The following CCDC192 variants were observed in gnomAD, a reference collection of about 807,000 sequenced individuals.
The protein encoded by CCDC192 is coiled-coil domain-containing protein 192.
intron 2 of CCDC192, among the ~76,000 whole-genome samples, chr5:127,731,798 A>G (rs1271445662): frequency 6.6e-6 from 1 of 152,196 alleles, no homozygotes; most frequent in Non-Finnish European, 1.5e-5. Flanking sequence ...AGAACTGGCT[A>G]GCCATATGCA....
At chr5:127,880,642 AAAAC>A (rs1336160979) in intron 6 of CCDC192, among the ~76,000 whole-genome samples, 1 of 152,012 alleles carries the variant, frequency 6.6e-6, no homozygotes, top group East Asian at 1.9e-4. Flanking sequence ...AATTAAAAAA[AAAAC>A]AAAACATCTC....
intron 5 of CCDC192, among the ~76,000 whole-genome samples, chr5:127,840,026 T>TG (rs1750213772): frequency 6.6e-6 from 1 of 152,162 alleles, no homozygotes; most frequent in Non-Finnish European, 1.5e-5. Context: ...ACTTAACAAA[T>TG]GTGAGCCATT....
intron 2 of CCDC192, among the ~76,000 whole-genome samples, chr5:127,725,790 A>G (rs1470923115): frequency 2.0e-5 from 3 of 152,206 alleles, no homozygotes; most frequent in Admixed American, 6.5e-5. Context: ...TGGAAAAAGA[A>G]AAAATAAGTA....
In CCDC192 at chr5:127,889,551, G is replaced by A. The variant is rs184540885; in HGVS notation, c.535+13890G>A. ...CCAGTAGCTGGGCTTACAGGAGCTC[G>A]CCACCACGCCCTGCTAATTTTTGAA... On this transcript the variant is annotated intron_variant, in intron 6 of 6. Transcript: ENST00000514853. 1.7e-3 allele frequency among the ~76,000 whole-genome samples: 257 copies of A among 152,082 alleles called. 1 individual carries two copies. The highest frequency in any genetic ancestry group is 5.5e-3 in the African/African-American group (228 of 41,490).
In CCDC192 at chr5:127,890,947, C is replaced by G. The variant is rs866947182; in HGVS notation, c.535+15286C>G. On this transcript the variant is annotated intron_variant, in intron 6 of 6. Coordinates refer to ENST00000514853, the MANE Select transcript of CCDC192 (RefSeq NM_001317938.2). ...CACATAATTTTGCTCAGCAAAGCAG[C>G]CATGTTTTTTTCCCCATAGATTGCT... Among the ~76,000 whole-genome samples the G allele has an allele frequency of 1.7e-3, 252 of 152,272 alleles. 1 individual carries two copies. Among genetic ancestry groups the G allele is most frequent in the African/African-American group, 5.6e-3 (233 of 41,550 alleles).
Position 127,837,170 on chromosome 5 carries a change from T to C in CCDC192, c.412-38368T>C. ...TTCATTTCCCATTGCCTCTACATTT[T>C]TGGGTATCTTTATCATAGTACACTA... On this transcript the variant is annotated intron_variant, in intron 5 of 6. Transcript: ENST00000514853. 2.5e-5 allele frequency among the ~76,000 whole-genome samples: 2 copies of C among 81,548 alleles called. 1 individual carries two copies. The highest frequency in any genetic ancestry group is 6.6e-4 in the South Asian group (2 of 3,036). The allele number at this position is 81,548 out of a possible 152,430, so 53.5% of individuals were successfully genotyped here.
At chr5:127,911,583 A>G (rs1008208973) in intron 6 of CCDC192, among the ~76,000 whole-genome samples, 6 of 152,192 alleles carry the variant, frequency 3.9e-5, no homozygotes, top group Admixed American at 6.5e-5. Flanking sequence ...ACAAAGAGAC[A>G]ATTTTTCCTT....
intron 5 of CCDC192, among the ~76,000 whole-genome samples, chr5:127,861,250 C>T (rs945532162): frequency 4.6e-5 from 7 of 151,570 alleles, no homozygotes; most frequent in Non-Finnish European, 7.4e-5. Flanking sequence ...TCAGGTGATC[C>T]GCCTGCCTCG....
intron 2 of CCDC192, among the ~76,000 whole-genome samples, chr5:127,723,341 T>C (rs1752132399): frequency 6.6e-6 from 1 of 152,216 alleles, no homozygotes; most frequent in African/African-American, 2.4e-5. Context: ...GTTTGTCAGT[T>C]CTAATAGCTA....
intron 5 of CCDC192, among the ~76,000 whole-genome samples, chr5:127,867,064 C>T (rs900054674): frequency 1.3e-5 from 2 of 152,132 alleles, no homozygotes; most frequent in East Asian, 1.9e-4. Flanking sequence ...TCACTGCCTT[C>T]GGGGCAGAGT....
chr5:127,934,104 G>T (rs1376490027), intron 6 of CCDC192, among the ~76,000 whole-genome samples: 1 of 152,128 alleles, frequency 6.6e-6, no homozygotes, highest in African/African-American at 2.4e-5. Context: ...TGTTCTACAG[G>T]CTCTCTGATC....
At chr5:127,758,408 G>A (rs908543436) in intron 3 of CCDC192, among the ~76,000 whole-genome samples, 5 of 152,142 alleles carry the variant, frequency 3.3e-5, no homozygotes, top group Admixed American at 1.3e-4. Context: ...TTATTTCTCT[G>A]CAGCCAAGTC....
At chr5:127,935,934 G>A (rs962249088) in intron 6 of CCDC192, among the ~76,000 whole-genome samples, 10 of 152,044 alleles carry the variant, frequency 6.6e-5, no homozygotes, top group Non-Finnish European at 1.2e-4. Flanking sequence ...GAGAAATCCC[G>A]TCTCTACTAA....
chr5:127,879,214 G>A lies in CCDC192; in HGVS notation c.535+3553G>A, dbSNP rs988626986. 4.6e-5 allele frequency among the ~76,000 whole-genome samples: 7 copies of A among 151,852 alleles called. No individual in the cohort carries two copies. The East Asian group carries it at 1.4e-3, about 29-fold the overall frequency. ...CTACAAGGCTACAGTAACCAAAACA[G>A]CATGGTACTGGTACCAAAACAGAGA... On this transcript the variant is annotated intron_variant, in intron 6 of 6. Transcript: ENST00000514853.
At chr5:127,735,136 T>A (rs1432798959) in intron 2 of CCDC192, among the ~76,000 whole-genome samples, 1 of 128,016 alleles carries the variant, frequency 7.8e-6, no homozygotes, top group Admixed American at 8.1e-5. Context: ...AGTTTCAGCT[T>A]TCTACATATG....
Position 127,813,995 on chromosome 5 carries a change from C to T in CCDC192, c.411+15833C>T, listed in dbSNP as rs183422772. ...TTCTTCAACTATTTTTACTGATCCT[C>T]ACAAGCCAGTTTCTCATCCTTCAGG... On this transcript the variant is annotated intron_variant, in intron 5 of 6. Transcript: ENST00000514853. Among the ~76,000 whole-genome samples the T allele has an allele frequency of 3.1e-4, 47 of 152,332 alleles. 1 individual carries two copies. Among genetic ancestry groups the T allele is most frequent in the Admixed American group, 1.1e-3 (17 of 15,306 alleles).
At chr5:127,733,467 A>T (rs1484945890) in intron 2 of CCDC192, among the ~76,000 whole-genome samples, 1 of 152,218 alleles carries the variant, frequency 6.6e-6, no homozygotes, top group Non-Finnish European at 1.5e-5. Flanking sequence ...ACTGTCTTAA[A>T]GTCACAGAAA....
At chr5:127,727,068 G>A (rs1014927612) in intron 2 of CCDC192, among the ~76,000 whole-genome samples, 61 of 152,316 alleles carry the variant, frequency 4.0e-4, no homozygotes, top group Admixed American at 8.5e-4. Flanking sequence ...TTGCTGTTCT[G>A]CAGCCTCCTC....
At chr5:127,889,123 C>T (rs1752656613) in intron 6 of CCDC192, among the ~76,000 whole-genome samples, 1 of 152,198 alleles carries the variant, frequency 6.6e-6, no homozygotes, top group Non-Finnish European at 1.5e-5. Context: ...AGAATAAATG[C>T]TCATGGGAAT....
Sources: allele counts gnomAD v4.1 joint callset (sites outside exome capture counted in the v4.1 genomes callset), GRCh38; gene constraint gnomAD v4.1.1; transcripts MANE v1.5; gene names NCBI Gene and HGNC (gene_info 2026-07-23, HGNC 2026-07-21).